Variants in EPHB1 observed in about 807,000 individuals in gnomAD.
EPHB1 encodes the protein EPH receptor B1, also known as ephrin type-B receptor 1.
In EPHB1, 30 loss-of-function variants were observed where a neutral mutation model predicts 94.4. The ratio of observed to expected loss-of-function variants is 0.32; its 90% CI spans 0.24 to 0.43. The LOEUF is 0.43. EPHB1 is among the 20% of genes least tolerant of loss of function. EPHB1 has a pLI of 1.00. For missense variants in EPHB1, 1,055 were observed against 1,308.3 expected, an observed-to-expected ratio of 0.81 and a Z score of 2.99; for synonymous variants, 522 against 489.1, an observed-to-expected ratio of 1.07 and a Z score of -0.89.
intron 1 of EPHB1, among the ~76,000 whole-genome samples, chr3:134,797,816 A>G (rs2035859896): frequency 6.6e-6 from 1 of 151,962 alleles, no homozygotes; most frequent in South Asian, 2.1e-4. Context: ...TGGGCTGAAA[A>G]TCTCTCCAGC....
chr3:134,943,263 A>G (rs1258604426), intron 2 of EPHB1, among the ~76,000 whole-genome samples: 4 of 152,234 alleles, frequency 2.6e-5, no homozygotes, highest in Non-Finnish European at 4.4e-5. Context: ...AAAGAAGGGC[A>G]TCAGGGTCAG....
intron 9 of EPHB1, among the ~76,000 whole-genome samples, chr3:135,173,041 T>G (rs1251743858): frequency 2.0e-5 from 3 of 150,912 alleles, no homozygotes; most frequent in Non-Finnish European, 4.4e-5. Context: ...GTTTCTTTTT[T>G]TTTTTTTTTT....
At chr3:134,889,075 G>A (rs918147156) in intron 1 of EPHB1, among the ~76,000 whole-genome samples, 8 of 152,210 alleles carry the variant, frequency 5.3e-5, no homozygotes, top group Admixed American at 2.0e-4. Flanking sequence ...TGCTCAGTGC[G>A]ATGGAAGCTG....
chr3:135,043,357 A>G (rs987233153), intron 3 of EPHB1, among the ~76,000 whole-genome samples: 1 of 152,146 alleles, frequency 6.6e-6, no homozygotes, highest in African/African-American at 2.4e-5. Flanking sequence ...TCTATCTGTT[A>G]GAAAGCCAGG....
At chr3:135,176,948 C>T (rs528785193) in intron 9 of EPHB1, among the ~76,000 whole-genome samples, 71 of 152,218 alleles carry the variant, frequency 4.7e-4, no homozygotes, top group African/African-American at 1.5e-3. Context: ...TAACCCTAAG[C>T]GGCTTACAAC....
chr3:134,868,369 G>A (rs1041158199), intron 1 of EPHB1, among the ~76,000 whole-genome samples: 30 of 152,184 alleles, frequency 2.0e-4, no homozygotes, highest in African/African-American at 7.0e-4. Context: ...ATTACCACAG[G>A]GTAGTTTGGA....
intron 5 of EPHB1, among the ~76,000 whole-genome samples, chr3:135,136,220 T>C (rs971549987): frequency 6.6e-6 from 1 of 152,204 alleles, no homozygotes; most frequent in African/African-American, 2.4e-5. Context: ...AGATTTTTGC[T>C]ATCATTTGTT....
intron 5 of EPHB1, among the ~76,000 whole-genome samples, chr3:135,136,421 T>A (rs1940620870): frequency 6.6e-6 from 1 of 152,192 alleles, no homozygotes; most frequent in Non-Finnish European, 1.5e-5. Context: ...CCAAAGGCAG[T>A]GGCAGAGAAC....
chr3:135,222,817 A>C (rs182711874), intron 12 of EPHB1, among the ~76,000 whole-genome samples: 1 of 152,240 alleles, frequency 6.6e-6, no homozygotes, highest in Non-Finnish European at 1.5e-5. Flanking sequence ...GCAAAGGATC[A>C]GTGAACCAAT....
At chr3:135,236,060 T>C (rs1403704642) in intron 12 of EPHB1, among the ~76,000 whole-genome samples, 1 of 152,208 alleles carries the variant, frequency 6.6e-6, no homozygotes, top group Non-Finnish European at 1.5e-5. Context: ...TAGTTTCTCA[T>C]GGCTTCTATA....
intron 3 of EPHB1, among the ~76,000 whole-genome samples, chr3:134,964,746 A>C (rs1316224948): frequency 1.3e-5 from 2 of 151,346 alleles, no homozygotes; most frequent in Non-Finnish European, 2.9e-5. Context: ...AAATTTGTCT[A>C]CTCTATTTTC....
intron 3 of EPHB1, among the ~76,000 whole-genome samples, chr3:135,043,466 C>G (rs2107767242): frequency 6.6e-6 from 1 of 152,200 alleles, no homozygotes. Context: ...GGGCCCGATG[C>G]CTTCCTGGGA....
chr3:135,025,269 G>C (rs1411060777), intron 3 of EPHB1, among the ~76,000 whole-genome samples: 1 of 129,256 alleles, frequency 7.7e-6, no homozygotes, highest in Non-Finnish European at 1.6e-5. Flanking sequence ...GTGCAGGTTA[G>C]TTACATACGT....
intron 12 of EPHB1, among the ~76,000 whole-genome samples, chr3:135,220,471 T>C (rs1396796532): frequency 6.6e-6 from 1 of 152,092 alleles, no homozygotes; most frequent in Non-Finnish European, 1.5e-5. Context: ...AGAGAATACA[T>C]GCCATCTGGG....
intron 3 of EPHB1, among the ~76,000 whole-genome samples, chr3:135,060,401 C>G (rs76145251): frequency 0.089 from 13,494 of 152,260 alleles, 800 homozygotes; most frequent in African/African-American, 0.17. Context: ...TATGGATATA[C>G]CACATTTTGT....
chr3:135,004,261 T>G (rs1287048220), intron 3 of EPHB1, among the ~76,000 whole-genome samples: 1 of 151,280 alleles, frequency 6.6e-6, no homozygotes, highest in Non-Finnish European at 1.5e-5. Flanking sequence ...GAAAATTCTT[T>G]TCTTTAAGAA....
intron 13 of EPHB1, among the ~76,000 whole-genome samples, chr3:135,245,138 A>C (rs1229486388): frequency 6.6e-6 from 1 of 152,222 alleles, no homozygotes; most frequent in Non-Finnish European, 1.5e-5. Context: ...CTGGGAAGAC[A>C]TCTACTAAAA....
intron 5 of EPHB1, among the ~76,000 whole-genome samples, chr3:135,139,988 G>A (rs143342167): frequency 6.6e-6 from 1 of 152,254 alleles, no homozygotes; most frequent in South Asian, 2.1e-4. Flanking sequence ...CCTTCACTCT[G>A]CTAGGAGTAC....
intron 12 of EPHB1, among the ~76,000 whole-genome samples, chr3:135,202,233 C>G (rs1484805919): frequency 2.0e-5 from 3 of 152,214 alleles, no homozygotes; most frequent in Non-Finnish European, 4.4e-5. Flanking sequence ...CTATATCCAA[C>G]TGCCTAGTTC....
Sources: gnomAD v4.1 joint callset for allele counts (sites outside exome capture counted in the v4.1 genomes callset) on GRCh38, gnomAD v4.1.1 for gene constraint, MANE v1.5 for transcripts, NCBI Gene and HGNC (gene_info 2026-07-23, HGNC 2026-07-21) for gene names.